Variants in ROR1 observed in about 807,000 individuals in gnomAD.
The protein encoded by ROR1 is ROR family WNT receptor 1.
In ROR1, 19 loss-of-function variants were observed where a neutral mutation model predicts 78.8. The observed-to-expected ratio is 0.24, with a 90% CI of 0.17 to 0.35. ROR1 has a LOEUF of 0.35. Among genes scored for constraint, ROR1 ranks in the 10% least tolerant of loss-of-function variants. The pLI is 1.00. For missense variants in ROR1, 917 were observed against 1,177.8 expected, an observed-to-expected ratio of 0.78 and a Z score of 3.24; for synonymous variants, 386 against 433.6, an observed-to-expected ratio of 0.89 and a Z score of 1.36.
chr1:63,843,135 C>T, intron 1 of ROR1: 1 of 762,920 alleles, frequency 1.3e-6, no homozygotes, highest in Non-Finnish European at 2.2e-6. Flanking sequence ...CGGCCTGCAA[C>T]CCCCGAGGGC....
chr1:63,908,702 C>A (rs17125789), intron 1 of ROR1, among the ~76,000 whole-genome samples: 3,912 of 152,284 alleles, frequency 0.026, 172 homozygotes, highest in African/African-American at 0.089. Flanking sequence ...CTGCCTCTTG[C>A]TGAATTTTGC....
intron 1 of ROR1, among the ~76,000 whole-genome samples, chr1:63,888,317 G>C (rs957229186): frequency 6.6e-6 from 1 of 152,084 alleles, no homozygotes; most frequent in Non-Finnish European, 1.5e-5. Flanking sequence ...AAAGTCTGTC[G>C]TTAAGACTGA....
At chr1:63,794,388 ACCCT>A (rs1013963916) in intron 1 of ROR1, among the ~76,000 whole-genome samples, 1 of 152,158 alleles carries the variant, frequency 6.6e-6, no homozygotes, top group Non-Finnish European at 1.5e-5. Context: ...CCCGAGGCCC[ACCCT>A]GGCCTTGATC....
At chr1:64,054,421 T>A (rs962365040) in intron 4 of ROR1, among the ~76,000 whole-genome samples, 3 of 152,104 alleles carry the variant, frequency 2.0e-5, no homozygotes, top group African/African-American at 7.2e-5. Flanking sequence ...GGACTACAGG[T>A]GCCAGCCAAC....
intron 1 of ROR1, among the ~76,000 whole-genome samples, chr1:63,996,495 G>A (rs1038093328): frequency 3.9e-5 from 6 of 152,162 alleles, no homozygotes; most frequent in Non-Finnish European, 5.9e-5. Context: ...GATTCTACAC[G>A]CCCAGGCTAA....
chr1:64,177,922 T>C lies in ROR1; in HGVS notation c.1881T>C (p.Leu627=), dbSNP rs1236616665. 4 of 1,614,084 alleles carry C rather than the reference T, an allele frequency of 2.5e-6. No individual in the cohort carries two copies. The highest frequency in any genetic ancestry group is 1.3e-5 in the African/African-American group (1 of 74,918). Residue 627 remains leucine (L), a synonymous_variant, in exon 9 of 9, where the codon CTT becomes CTC. Transcript: ENST00000371079. ...AARNILIGEQ[L]HVKISDLGLS... is the part of the protein sequence containing the mutation. ...GCAATATTTTAATCGGAGAGCAACT[T>C]CATGTAAAGATTTCAGACTTGGGGC...
chr1:63,866,611 T>G (rs2100353171), intron 1 of ROR1, among the ~76,000 whole-genome samples: 1 of 152,298 alleles, frequency 6.6e-6, no homozygotes, highest in East Asian at 1.9e-4. Flanking sequence ...ACCTAGCCTT[T>G]TTTTTTGGTT....
chr1:64,103,313 A>T (rs918362411), intron 4 of ROR1, among the ~76,000 whole-genome samples: 1 of 150,152 alleles, frequency 6.7e-6, no homozygotes, highest in African/African-American at 2.5e-5. Context: ...GTATAATAAT[A>T]ATAAAATTTA....
At chr1:64,070,053 C>T (rs191160584) in intron 4 of ROR1, among the ~76,000 whole-genome samples, 90 of 152,256 alleles carry the variant, frequency 5.9e-4, no homozygotes, top group African/African-American at 1.8e-3. Context: ...TCTGTCTCTA[C>T]GGTTTTGTCT....
chr1:64,167,052 T>C (rs998655243), intron 8 of ROR1, among the ~76,000 whole-genome samples: 3 of 152,194 alleles, frequency 2.0e-5, no homozygotes, highest in Non-Finnish European at 4.4e-5. Context: ...AGGCTTCAGA[T>C]TCAGAATTGG....
chr1:63,795,203 C>T (rs1644752739), intron 1 of ROR1, among the ~76,000 whole-genome samples: 1 of 152,114 alleles, frequency 6.6e-6, no homozygotes, highest in African/African-American at 2.4e-5. Flanking sequence ...ATCAGAAGCC[C>T]CGCTGAGAGG....
intron 1 of ROR1, among the ~76,000 whole-genome samples, chr1:63,817,210 G>A (rs1039529348): frequency 6.6e-6 from 1 of 152,148 alleles, no homozygotes; most frequent in Non-Finnish European, 1.5e-5. Flanking sequence ...TGGCTGTAAT[G>A]CTGCCCTGCC....
At chr1:63,993,616 C>T (rs1646313862) in intron 1 of ROR1, among the ~76,000 whole-genome samples, 1 of 152,172 alleles carries the variant, frequency 6.6e-6, no homozygotes. Context: ...TTGTTGTATA[C>T]ACACTATGAG....
At chr1:63,892,220 G>C (rs191463186) in intron 1 of ROR1, among the ~76,000 whole-genome samples, 28 of 152,280 alleles carry the variant, frequency 1.8e-4, no homozygotes, top group African/African-American at 6.5e-4. Context: ...AGGGGAAAAG[G>C]TACAAGGAAC....
intron 1 of ROR1, among the ~76,000 whole-genome samples, chr1:63,899,629 A>G (rs1645469025): frequency 6.6e-6 from 1 of 151,970 alleles, no homozygotes; most frequent in Admixed American, 6.6e-5. Context: ...TCAAAACAGC[A>G]CTCAGGCATA....
intron 1 of ROR1, among the ~76,000 whole-genome samples, chr1:63,898,394 T>G (rs1251133316): frequency 6.6e-6 from 1 of 151,694 alleles, no homozygotes; most frequent in African/African-American, 2.4e-5. Context: ...AGGAGGTTTT[T>G]TTTTTAAAAA....
At chr1:64,154,645 G>A (rs1198593397) in intron 7 of ROR1, among the ~76,000 whole-genome samples, 2 of 152,088 alleles carry the variant, frequency 1.3e-5, no homozygotes, top group African/African-American at 4.8e-5. Flanking sequence ...GAATATCATT[G>A]TAAAAATAAA....
chr1:63,865,360 T>A (rs1645208837), intron 1 of ROR1, among the ~76,000 whole-genome samples: 1 of 152,176 alleles, frequency 6.6e-6, no homozygotes, highest in African/African-American at 2.4e-5. Flanking sequence ...AACTAGCATG[T>A]CCAGTGTCAT....
chr1:63,958,299 CT>C (rs1557582624), intron 1 of ROR1, among the ~76,000 whole-genome samples: 1 of 152,086 alleles, frequency 6.6e-6, no homozygotes, highest in African/African-American at 2.4e-5. Flanking sequence ...TTAACTTATT[CT>C]TTTTTGTGAG....
Sources: allele counts gnomAD v4.1 joint callset (sites outside exome capture counted in the v4.1 genomes callset), GRCh38; gene constraint gnomAD v4.1.1; transcripts MANE v1.5; gene names NCBI Gene and HGNC (gene_info 2026-07-23, HGNC 2026-07-21).